The following NCAPG variants were observed in gnomAD, a reference collection of about 807,000 sequenced individuals.
NCAPG encodes the protein condensin complex subunit 3.
Under a neutral mutation model 113.1 loss-of-function variants are expected in NCAPG, and 69 were observed. That is an observed-to-expected ratio of 0.61 (90% CI 0.50 to 0.75). The LOEUF (loss-of-function observed/expected upper bound fraction) is 0.75. Ranked by LOEUF, NCAPG falls within the 30% of genes least tolerant of loss-of-function variation. The probability of loss-of-function intolerance (pLI) is 0.00; values close to 1 mark genes in which losing one functional copy is unlikely to be tolerated. For synonymous variants in NCAPG, 370 were observed against 415.8 expected, an observed-to-expected ratio of 0.89 and a Z score of 1.34; for missense variants, 1,058 against 1,177.0, an observed-to-expected ratio of 0.90 and a Z score of 1.48.
chr4:17,839,862 A>C, intron 17 of NCAPG, 25 bp downstream of exon 17: 7 of 1,566,374 alleles, frequency 4.5e-6, no homozygotes, highest in Non-Finnish European at 5.2e-6. Context: ...CATTACTCTA[A>C]ATTAGTTTGT....
At chr4:17,843,123 C>A in intron 20 of NCAPG, 179 bp from the exon 21 acceptor site, 2 of 550,884 alleles carry the variant, frequency 3.6e-6, no homozygotes, top group Non-Finnish European at 6.3e-6. Context: ...ATTCACTTTG[C>A]TAGATAGCCA....
In NCAPG at chr4:17,814,898, G is replaced by A. The variant is rs1189574918; in HGVS notation, c.590G>A (p.Arg197Gln). The change falls in exon 4 of 21, where the codon CGG (arginine) becomes CAG (glutamine). Residue 197 changes from arginine to glutamine, a missense_variant. Arg to Gln is a conservative substitution (Grantham distance 43). Coordinates refer to ENST00000251496, the MANE Select transcript of NCAPG (RefSeq NM_022346.5). The part of the protein sequence containing the change: ...IENDSNPEVR[R>Q]AVLSCIAPSA... ...AATGATTCAAATCCAGAAGTTAGACGGGCAGTGTTATCATGTATTGCACCA... is the reference window on the plus strand; with the variant it reads ...AATGATTCAAATCCAGAAGTTAGACAGGCAGTGTTATCATGTATTGCACCA... The A allele has an allele frequency of 8.1e-6, 13 of 1,613,908 alleles. No individual in the cohort carries two copies. Among genetic ancestry groups the A allele is most frequent in the South Asian group, 3.3e-5 (3 of 91,070 alleles).
chr4:17,811,583 CT>C lies in NCAPG; in HGVS notation c.111+396del, dbSNP rs1720952540. 1.3e-5 allele frequency among the ~76,000 whole-genome samples: 2 copies of C among 152,114 alleles called. No individual in the cohort carries two copies. The highest frequency in any genetic ancestry group is 1.3e-4 in the Admixed American group (2 of 15,272). On this transcript the variant is annotated intron_variant, in intron 1 of 20. Transcript: ENST00000251496. This position sits in a 1 kb window ranked among gnomAD's most constrained non-coding sequence, Gnocchi z 5.3. ...TGCGGGGGTTCAGTGGTCGTTGCCCCTGGGGTCATCGCTCCCCGCCGAACAT... is the reference window on the plus strand; with the variant it reads ...TGCGGGGGTTCAGTGGTCGTTGCCCCGGGGTCATCGCTCCCCGCCGAACAT...
rs1055952341 is a variant in NCAPG, at chr4:17,834,498, T to G, written c.2084T>G (p.Leu695Arg). The G allele has an allele frequency of 6.3e-7, 1 of 1,592,714 alleles. No homozygotes were observed. Among genetic ancestry groups the G allele is most frequent in the Non-Finnish European group, 8.5e-7 (1 of 1,170,128 alleles). Reference protein sequence around the residue: ...ETATAKNVLKLLSDFLDSEVS... With the variant: ...ETATAKNVLKRLSDFLDSEVS... ...GCTACAGCTAAGAATGTTCTGAAACTCCTTTCTGATTTCTTAGATAGTGAG... is the reference window on the plus strand; with the variant it reads ...GCTACAGCTAAGAATGTTCTGAAACGCCTTTCTGATTTCTTAGATAGTGAG... Residue 695 changes from leucine (L) to arginine (R), a missense_variant, in exon 14 of 21, where the codon CTC becomes CGC. Leu to Arg is a moderately radical substitution (Grantham distance 102, BLOSUM62 -2). Transcript: ENST00000251496.
chr4:17,823,063 T>A lies in NCAPG; in HGVS notation c.1199T>A (p.Phe400Tyr). ...ATTGGAAATTTGATGACAAAAGAAT[T>A]CATAGGTCAACAATTGATTCTAATT... is the stretch of plus-strand genomic sequence containing the variant. The part of the protein sequence containing the change: ...SYIGNLMTKE[F>Y]IGQQLILIIK... The change falls in exon 8 of 21, where the codon TTC (phenylalanine) becomes TAC (tyrosine). Residue 400 changes from phenylalanine (F) to tyrosine (Y), a missense_variant. Physicochemically the swap from Phe to Tyr is conservative, Grantham distance 22. Transcript: ENST00000251496. 4 of 1,609,848 alleles carry A rather than the reference T, an allele frequency of 2.5e-6. No individual in the cohort carries two copies. The highest frequency in any genetic ancestry group is 3.4e-6 in the Non-Finnish European group (4 of 1,178,042).
chr4:17,829,455 T>C (rs940284082), intron 12 of NCAPG, among the ~76,000 whole-genome samples: 1 of 152,204 alleles, frequency 6.6e-6, no homozygotes, highest in Non-Finnish European at 1.5e-5. Context: ...CAGTTATCTT[T>C]AGTGAAAAGT....
rs767414344 is a variant in NCAPG at position 17,842,348 on chromosome 4, A to T, written c.2893A>T (p.Arg965Trp). Residue 965 changes from arginine (R) to tryptophan (W), a missense_variant, in exon 20 of 21, where the codon AGG (arginine) becomes TGG (tryptophan). Transcript: ENST00000251496. ...GACAGTTTCAGCTAGGACGAACAGG[A>T]GGTGTCAGACTGCTGAAGCCGACTC... ...KVTVSARTNR[R>W]CQTAEADSES... 6 of 1,612,116 alleles carry T rather than the reference A, an allele frequency of 3.7e-6. No homozygotes were observed. The South Asian group carries it at 5.5e-5, about 15-fold the overall frequency.
intron 3 of NCAPG, among the ~76,000 whole-genome samples, chr4:17,813,854 G>A (rs1332685938): frequency 6.6e-6 from 1 of 151,870 alleles, no homozygotes; most frequent in South Asian, 2.1e-4. Flanking sequence ...GTATGTTTTA[G>A]GCACTCTTCT....
intron 9 of NCAPG, 31 bp downstream of exon 9, chr4:17,823,801 G>A (rs760243468): frequency 7.0e-6 from 11 of 1,561,542 alleles, no homozygotes; most frequent in Middle Eastern, 1.7e-4. Flanking sequence ...TTGATAAAGA[G>A]GTTTTGGTCA....
At chr4:17,815,103 G>C (rs1225042934) in intron 4 of NCAPG, 105 bp downstream of exon 4, 1 of 1,451,042 alleles carries the variant, frequency 6.9e-7, no homozygotes, top group Admixed American at 1.9e-5. Flanking sequence ...TTCTTCAGTT[G>C]AGGTTTTATG....
Position 17,839,823 on chromosome 4 carries a change from A to C in NCAPG, c.2614A>C (p.Asn872His). The C allele has an allele frequency of 1.3e-6, 2 of 1,584,232 alleles. No individual in the cohort carries two copies. The highest frequency in any genetic ancestry group is 1.7e-6 in the Non-Finnish European group (2 of 1,173,090). ...HLAKDLLVLL[N>H]EILEQVKDRT... is the part of the protein sequence containing the mutation. ...TGCAAAAGATCTTCTGGTTCTATTG[A>C]ATGAGATTCTGGAGGTAAAGTAGTT... The change falls in exon 17 of 21, where the codon AAT becomes CAT. Residue 872 changes from asparagine (N) to histidine (H), a missense_variant. Transcript: ENST00000251496.
In NCAPG at chr4:17,837,550, T is replaced by C. The variant is rs144649860; in HGVS notation, c.2292-77T>C. On this transcript the variant is annotated intron_variant, in intron 15 of 20. Transcript: ENST00000251496. ...GCACTTAATGAGTGAATTTCCTACA[T>C]AGTAGTTTTGAATTTCATACTTTTT... 1.6e-5 allele frequency: 23 copies of C among 1,465,546 alleles called. No homozygotes were observed. The African/African-American group carries it at 1.8e-4, about 12-fold the overall frequency. The allele number at this position is 1,465,546 out of a possible 1,614,324, so 90.8% of individuals were successfully genotyped here. A position where few individuals can be genotyped will look rare whatever the true frequency, so the allele number is the denominator to read the frequency against.
Position 17,834,506 on chromosome 4 carries a change from G to T in NCAPG, c.2092G>T (p.Asp698Tyr). Residue 698 changes from aspartate (D) to tyrosine (Y), a missense_variant, in exon 14 of 21, where the codon GAT becomes TAT. Asp to Tyr is a radical substitution (Grantham distance 160). Transcript: ENST00000251496. Reference protein sequence around the residue: ...TAKNVLKLLSDFLDSEVSELR... With the variant: ...TAKNVLKLLSYFLDSEVSELR... ...TAAGAATGTTCTGAAACTCCTTTCT[G>T]ATTTCTTAGATAGTGAGGTAAGAAA... 1 of 1,588,114 alleles carries T rather than the reference G, an allele frequency of 6.3e-7. No homozygotes were observed. The highest frequency in any genetic ancestry group is 1.2e-5 in the South Asian group (1 of 86,222).
intron 12 of NCAPG, among the ~76,000 whole-genome samples, chr4:17,828,799 C>A (rs2109056461): frequency 6.6e-6 from 1 of 151,726 alleles, no homozygotes; most frequent in East Asian, 1.9e-4. Context: ...TTAAAATAAC[C>A]CTTTGTAGGT....
At chr4:17,836,427 T>C (rs1722094867) in intron 14 of NCAPG, among the ~76,000 whole-genome samples, 1 of 152,156 alleles carries the variant, frequency 6.6e-6, no homozygotes, top group Admixed American at 6.5e-5. Flanking sequence ...TTAGATGTAT[T>C]AAACATTTTT....
chr4:17,831,046 T>C lies in NCAPG; in HGVS notation c.1814T>C (p.Val605Ala), dbSNP rs1379631618. ...CATCCTGTTGTAAGAAACCTGGCTG[T>C]TTTATGCTTGGGATGCTGTGGACTA... ...SIHPVVRNLA[V>A]LCLGCCGLQN... The change falls in exon 13 of 21, where the codon GTT becomes GCT. Residue 605 changes from valine (V) to alanine (A), a missense_variant. Val to Ala is a moderately conservative substitution (Grantham distance 64). Coordinates refer to ENST00000251496, the MANE Select transcript of NCAPG (RefSeq NM_022346.5). 1 of 1,613,668 alleles carries C rather than the reference T, an allele frequency of 6.2e-7. No individual in the cohort carries two copies. The highest frequency in any genetic ancestry group is 8.5e-7 in the Non-Finnish European group (1 of 1,179,728).
intron 13 of NCAPG, 94 bp downstream of exon 13, chr4:17,831,210 A>C: frequency 7.9e-7 from 1 of 1,263,404 alleles, no homozygotes; most frequent in Admixed American, 2.5e-5. Flanking sequence ...TCTGATTCTT[A>C]TTGATGATGA....
intron 11 of NCAPG, 134 bp downstream of exon 11, chr4:17,825,695 GA>G: frequency 1.4e-6 from 1 of 737,900 alleles, no homozygotes; most frequent in Non-Finnish European, 2.0e-6. Flanking sequence ...GAATTAAAAT[GA>G]AAAAAGTTTT....
intron 2 of NCAPG, 120 bp from the exon 3 acceptor site, chr4:17,812,797 C>T (rs1031463764): frequency 2.5e-6 from 2 of 806,332 alleles, no homozygotes; most frequent in Admixed American, 2.5e-5. Flanking sequence ...TATAGGTTCT[C>T]TTCAGGAAAT....
Sources: allele counts gnomAD v4.1 joint callset (sites outside exome capture counted in the v4.1 genomes callset), GRCh38; gene constraint gnomAD v4.1.1; non-coding constraint Gnocchi (gnomAD v3.1); transcripts MANE v1.5; gene names NCBI Gene and HGNC (gene_info 2026-07-23, HGNC 2026-07-21).